The following TLN2 variants were observed in gnomAD, a reference collection of about 807,000 sequenced individuals.
TLN2 encodes talin 2.
A neutral mutation model predicts 294.7 loss-of-function variants in TLN2; 118 were observed. The observed-to-expected ratio is 0.40, with a 90% CI of 0.34 to 0.47. The LOEUF (loss-of-function observed/expected upper bound fraction) is 0.47, where lower values mean the gene tolerates loss of function less well. Ranked by LOEUF, TLN2 falls within the 20% of genes least tolerant of loss-of-function variation. The probability of loss-of-function intolerance (pLI) is 0.84; values close to 1 mark genes in which losing one functional copy is unlikely to be tolerated. For synonymous variants in TLN2, 1,431 were observed against 1,304.5 expected (o/e 1.10, Z -2.09); for missense variants, 3,083 against 3,282.2 (o/e 0.94, Z 1.48).
At chr15:62,625,607 C>T (rs544530497) in intron 3 of TLN2, among the ~76,000 whole-genome samples, 4 of 152,206 alleles carry the variant, frequency 2.6e-5, no homozygotes, top group East Asian at 1.9e-4. Context: ...GGCTACTGCA[C>T]GCAGGCGAGG....
chr15:62,837,501 C>A (rs75931874), intron 57 of TLN2, among the ~76,000 whole-genome samples: 10,299 of 152,188 alleles, frequency 0.068, 1,113 homozygotes, highest in African/African-American at 0.23. Context: ...TATGACAGTG[C>A]TTTGTTAGGT....
intron 37 of TLN2, among the ~76,000 whole-genome samples, chr15:62,760,849 G>A (rs1298013202): frequency 1.3e-5 from 2 of 152,034 alleles, no homozygotes; most frequent in Non-Finnish European, 1.5e-5. Flanking sequence ...GAGAAAACAC[G>A]TTATGTTTAG....
At chr15:62,748,241 C>G in intron 32 of TLN2, 110 bp from the exon 33 acceptor site, 1 of 804,206 alleles carries the variant, frequency 1.2e-6, no homozygotes. Context: ...CTCCTGGGGA[C>G]CCGAGCTGAA....
intron 1 of TLN2, among the ~76,000 whole-genome samples, chr15:62,551,589 C>T (rs1342193916): frequency 6.6e-6 from 1 of 152,058 alleles, no homozygotes. Flanking sequence ...ATCCCAGCTA[C>T]TCGGGAGGCT....
chr15:62,419,581 G>T (rs1181630276), intron 1 of TLN2, among the ~76,000 whole-genome samples: 1 of 147,654 alleles, frequency 6.8e-6, no homozygotes, highest in Non-Finnish European at 1.5e-5. Flanking sequence ...TTGCACTGAA[G>T]AACCTTTGAA....
chr15:62,588,470 T>G (rs1460447192), intron 1 of TLN2, among the ~76,000 whole-genome samples: 3 of 151,026 alleles, frequency 2.0e-5, no homozygotes, highest in Non-Finnish European at 4.4e-5. Context: ...ACCCCGTCTC[T>G]ACTAAAAATA....
At chr15:62,746,335 G>T (rs920958466) in intron 32 of TLN2, among the ~76,000 whole-genome samples, 1 of 152,100 alleles carries the variant, frequency 6.6e-6, no homozygotes, top group Non-Finnish European at 1.5e-5. Context: ...TTAAAAGCGC[G>T]CATTGAGGAC....
intron 1 of TLN2, among the ~76,000 whole-genome samples, chr15:62,422,427 G>T (rs751636707): frequency 6.6e-6 from 1 of 152,012 alleles, no homozygotes; most frequent in Non-Finnish European, 1.5e-5. Flanking sequence ...ACTTCAGATT[G>T]TCTCTTGTGC....
At chr15:62,717,194 T>A (rs1019212603) in intron 23 of TLN2, among the ~76,000 whole-genome samples, 4 of 152,218 alleles carry the variant, frequency 2.6e-5, no homozygotes, top group Non-Finnish European at 4.4e-5. Context: ...AGGAGAGTCA[T>A]GGGCACCAGC....
At chr15:62,651,095 T>C (rs1337114214) in intron 5 of TLN2, among the ~76,000 whole-genome samples, 1 of 152,178 alleles carries the variant, frequency 6.6e-6, no homozygotes, top group Non-Finnish European at 1.5e-5. Context: ...AGTAAAGACA[T>C]AGAGATAGTA....
In TLN2 at chr15:62,491,349, T is replaced by TACAC. The variant is rs1446456385; in HGVS notation, c.-237-98337_-237-98336insCACA. Among the ~76,000 whole-genome samples the TACAC allele has an allele frequency of 4.6e-3, 390 of 84,510 alleles. 1 individual carries two copies. Among genetic ancestry groups the TACAC allele is most frequent in the African/African-American group, 0.014 (229 of 16,500 alleles). The allele number at this position is 84,510 out of a possible 152,430, so 55.4% of individuals were successfully genotyped here. A position where few individuals can be genotyped will look rare whatever the true frequency, so the allele number is the denominator to read the frequency against. Reference sequence around the variant, plus strand: ...CTCAAAAAAAAAAAATATATATATATATACACACACACACACACACACACA... The same window carrying TACAC: ...CTCAAAAAAAAAAAATATATATATATACACATACACACACACACACACACACACA... On this transcript the variant is annotated intron_variant, in intron 1 of 58. Transcript: ENST00000636159.
chr15:62,712,640 A>G (rs951346567), intron 22 of TLN2, among the ~76,000 whole-genome samples: 3 of 152,212 alleles, frequency 2.0e-5, no homozygotes, highest in Non-Finnish European at 4.4e-5. Flanking sequence ...GGTCTGATAC[A>G]CAGCCCCCTG....
chr15:62,474,109 C>A (rs1373907073), intron 1 of TLN2, among the ~76,000 whole-genome samples: 1 of 152,136 alleles, frequency 6.6e-6, no homozygotes, highest in Non-Finnish European at 1.5e-5. Context: ...CAAAACAAAA[C>A]AGAACAAACA....
Position 62,571,684 on chromosome 15 carries a change from A to G in TLN2, c.-237-18003A>G, listed in dbSNP as rs371871613. On this transcript the variant is annotated intron_variant, in intron 1 of 58. Coordinates refer to ENST00000636159, the MANE Select transcript of TLN2 (RefSeq NM_015059.3). ...TGTACCAGCTTATCTCCAATTTTCA[A>G]TGCATGACCCATCTTGTTTTTTCTA... 1.0e-3 allele frequency among the ~76,000 whole-genome samples: 153 copies of G among 152,236 alleles called. 1 individual carries two copies. The highest frequency in any genetic ancestry group is 3.6e-3 in the African/African-American group (148 of 41,532).
intron 35 of TLN2, among the ~76,000 whole-genome samples, 180 bp from the exon 36 acceptor site, chr15:62,753,593 G>A (rs996572772): frequency 2.0e-5 from 3 of 152,212 alleles, no homozygotes; most frequent in Non-Finnish European, 4.4e-5. Context: ...GGTATGTCAA[G>A]CTGGCATAAA....
At chr15:62,790,726 AACTT>A (rs1242931735) in intron 45 of TLN2, among the ~76,000 whole-genome samples, 1 of 152,214 alleles carries the variant, frequency 6.6e-6, no homozygotes, top group Non-Finnish European at 1.5e-5. Flanking sequence ...GATTGTTTGA[AACTT>A]TAATGGGGTA....
At chr15:62,590,111 G>A (rs1282078082) in intron 2 of TLN2, among the ~76,000 whole-genome samples, 1 of 152,106 alleles carries the variant, frequency 6.6e-6, no homozygotes, top group African/African-American at 2.4e-5. Context: ...GTGACGTGAG[G>A]GGGTAAGTGC....
chr15:62,738,178 G>C (rs761237118), intron 29 of TLN2, 36 bp from the exon 30 acceptor site: 2 of 1,608,510 alleles, frequency 1.2e-6, no homozygotes, highest in Admixed American at 1.7e-5. Flanking sequence ...AGAAATGTTT[G>C]TACTTAAAGG....
chr15:62,626,608 G>T (rs2049304840), intron 3 of TLN2, among the ~76,000 whole-genome samples: 1 of 152,178 alleles, frequency 6.6e-6, no homozygotes. Flanking sequence ...TCAGCGACAA[G>T]GATGTGCACC....
Sources: gnomAD v4.1 joint callset for allele counts (sites outside exome capture counted in the v4.1 genomes callset) on GRCh38, gnomAD v4.1.1 for gene constraint, MANE v1.5 for transcripts, NCBI Gene and HGNC (gene_info 2026-07-23, HGNC 2026-07-21) for gene names.